CECR2: variants seen among roughly 807,000 people sequenced by gnomAD.
CECR2 encodes chromatin remodeling regulator CECR2.
In CECR2, 30 loss-of-function variants were observed where a neutral mutation model predicts 154.5. The ratio of observed to expected loss-of-function variants is 0.19; its 90% CI spans 0.15 to 0.26. The LOEUF is 0.26. Ranked by LOEUF, CECR2 falls within the 10% of genes least tolerant of loss-of-function variation. The probability of loss-of-function intolerance (pLI) is 1.00; values close to 1 mark genes in which losing one functional copy is unlikely to be tolerated. For synonymous variants in CECR2, 725 were observed against 683.7 expected, an observed-to-expected ratio of 1.06 and a Z score of -0.94; for missense variants, 1,743 against 1,829.3, an observed-to-expected ratio of 0.95 and a Z score of 0.86.
chr22:17,451,211 A>C (rs1470498832), intron 1 of CECR2, among the ~76,000 whole-genome samples: 1 of 152,252 alleles, frequency 6.6e-6, no homozygotes, highest in East Asian at 1.9e-4. Context: ...CATAGACTCA[A>C]GTTGCCTTGA....
intron 1 of CECR2, among the ~76,000 whole-genome samples, chr22:17,464,753 A>T (rs1418882281): frequency 1.3e-5 from 2 of 152,094 alleles, no homozygotes; most frequent in Non-Finnish European, 2.9e-5. Flanking sequence ...CTCCCACTTC[A>T]GTCCCCCAAA....
At chr22:17,440,610 T>C (rs12159248) in intron 1 of CECR2, among the ~76,000 whole-genome samples, 5,062 of 152,262 alleles carry the variant, frequency 0.033, 259 homozygotes, top group African/African-American at 0.12. Flanking sequence ...GGGACTTTTA[T>C]TGATTTATTG....
chr22:17,380,565 T>G (rs910402801), intron 1 of CECR2, among the ~76,000 whole-genome samples: 1 of 152,164 alleles, frequency 6.6e-6, no homozygotes, highest in Non-Finnish European at 1.5e-5. Context: ...TGGCATTGTG[T>G]CACTGAGGCA....
At chr22:17,473,627 G>A (rs999617881) in intron 1 of CECR2, among the ~76,000 whole-genome samples, 3 of 152,146 alleles carry the variant, frequency 2.0e-5, no homozygotes, top group Non-Finnish European at 1.5e-5. Context: ...ATAATTGTAA[G>A]ATAAATGTTT....
chr22:17,413,853 T>A (rs5747113), intron 1 of CECR2, among the ~76,000 whole-genome samples: 98,215 of 149,496 alleles, frequency 0.66, 32,799 homozygotes, highest in African/African-American at 0.79. Flanking sequence ...ATTTTTTTTT[T>A]TTTTTAGTAG....
intron 2 of CECR2, among the ~76,000 whole-genome samples, chr22:17,485,451 C>G (rs1484151153): frequency 6.6e-6 from 1 of 152,102 alleles, no homozygotes; most frequent in East Asian, 1.9e-4. Context: ...AAGATTACAC[C>G]CGAACCCAAT....
intron 16 of CECR2, among the ~76,000 whole-genome samples, chr22:17,546,215 C>T (rs975440381): frequency 1.3e-5 from 2 of 152,100 alleles, no homozygotes; most frequent in Admixed American, 6.6e-5. Flanking sequence ...TAGGCCGGCG[C>T]GATGGCTCAC....
intron 9 of CECR2, among the ~76,000 whole-genome samples, chr22:17,533,945 C>T (rs2056398476): frequency 6.6e-6 from 1 of 151,904 alleles, no homozygotes; most frequent in African/African-American, 2.4e-5. Flanking sequence ...AACTCCCGAC[C>T]TCTGATGATC....
intron 1 of CECR2, among the ~76,000 whole-genome samples, chr22:17,363,910 C>G (rs1253524266): frequency 6.6e-6 from 1 of 152,138 alleles, no homozygotes; most frequent in Non-Finnish European, 1.5e-5. Context: ...GTTGGGATTA[C>G]AGGTGTGAAC....
intron 1 of CECR2, among the ~76,000 whole-genome samples, chr22:17,382,978 A>T (rs1022977917): frequency 6.6e-6 from 1 of 152,150 alleles, no homozygotes; most frequent in African/African-American, 2.4e-5. Context: ...CTGTAATCCC[A>T]CCACTTTGGG....
rs1004974265 is a variant in CECR2, at chr22:17,435,235, A to G, written c.127-42353A>G. Among the ~76,000 whole-genome samples the G allele has an allele frequency of 9.2e-5, 14 of 152,078 alleles. 1 individual carries two copies. Among genetic ancestry groups the G allele is most frequent in the Admixed American group, 6.6e-4 (10 of 15,264 alleles). On this transcript the variant is annotated intron_variant, in intron 1 of 18. Coordinates refer to ENST00000262608, the MANE Select transcript of CECR2 (RefSeq NM_001290047.2). ...TTTTTTTAATGTTGGACAACCAGTG[A>G]AAAGCAAAACAAAACTACAGACCAA...
intron 2 of CECR2, among the ~76,000 whole-genome samples, chr22:17,494,044 C>T (rs2055576741): frequency 6.6e-6 from 1 of 152,374 alleles, no homozygotes; most frequent in African/African-American, 2.4e-5. Context: ...GTCTTCTACA[C>T]ACTTCTGGCT....
rs896624365 is a variant in CECR2 at position 17,538,766 on chromosome 22, T to C, written c.1368+35T>C. 20 of 1,526,220 alleles carry C rather than the reference T, an allele frequency of 1.3e-5. No homozygotes were observed. In the African/African-American group the frequency reaches 1.8e-4, roughly 14 times the overall value. 94.5% of individuals were successfully genotyped at this position (1,526,220 alleles called of 1,614,324 possible). On this transcript the variant is annotated intron_variant, in intron 12 of 18. Transcript: ENST00000262608. ...GTCTTTGCAGTAATGCCTACTATAGTGTGTATATCTTTCTTGGGTTTTGTT... is the reference window on the plus strand; with the variant it reads ...GTCTTTGCAGTAATGCCTACTATAGCGTGTATATCTTTCTTGGGTTTTGTT...
At position 17,505,140 on chromosome 22, in the gene CECR2, G is replaced by C. The variant is rs145539443; in HGVS notation, c.870+124G>C. ...TGGAAATAGTGCAGTCTTCCATCCT[G>C]TCTGAACTCCAGTGTTAGAATGGGA... On this transcript the variant is annotated intron_variant, in intron 7 of 18. Coordinates refer to ENST00000262608, the MANE Select transcript of CECR2 (RefSeq NM_001290047.2). The C allele has an allele frequency of 9.1e-5, 84 of 927,596 alleles. 1 individual carries two copies. The South Asian group carries it at 1.3e-3, about 15-fold the overall frequency. 57.5% of individuals were successfully genotyped at this position (927,596 alleles called of 1,614,324 possible). A position where few individuals can be genotyped will look rare whatever the true frequency, so the allele number is the denominator to read the frequency against.
At chr22:17,494,313 A>G (rs1210788373) in intron 2 of CECR2, among the ~76,000 whole-genome samples, 2 of 152,072 alleles carry the variant, frequency 1.3e-5, no homozygotes, top group African/African-American at 4.8e-5. Context: ...CGGCCTCCCA[A>G]AGTGCTGGGA....
intron 1 of CECR2, among the ~76,000 whole-genome samples, chr22:17,456,545 T>C (rs1266042373): frequency 6.6e-6 from 1 of 152,226 alleles, no homozygotes; most frequent in Non-Finnish European, 1.5e-5. Context: ...TATTCCACAA[T>C]TAAAACTGTA....
intron 16 of CECR2, among the ~76,000 whole-genome samples, chr22:17,544,718 G>C (rs1423617078): frequency 1.4e-5 from 2 of 145,784 alleles, no homozygotes; most frequent in African/African-American, 5.0e-5. Flanking sequence ...GCTGAGGCGG[G>C]AGAATCACTT....
intron 17 of CECR2, among the ~76,000 whole-genome samples, chr22:17,550,573 T>C (rs1280395474): frequency 2.6e-5 from 4 of 152,188 alleles, no homozygotes; most frequent in East Asian, 3.8e-4. Flanking sequence ...TCACACATGC[T>C]TGTGTAGTGT....
chr22:17,540,930 CT>C, intron 14 of CECR2, 130 bp downstream of exon 14: 3 of 1,009,134 alleles, frequency 3.0e-6, no homozygotes, highest in Non-Finnish European at 2.8e-6. Flanking sequence ...CCTGTGAGTC[CT>C]TTGTTCATGT....
Sources: allele counts gnomAD v4.1 joint callset (sites outside exome capture counted in the v4.1 genomes callset), GRCh38; gene constraint gnomAD v4.1.1; transcripts MANE v1.5; gene names NCBI Gene and HGNC (gene_info 2026-07-23, HGNC 2026-07-21).